The following PTPRD variants were observed in gnomAD, a reference collection of about 807,000 sequenced individuals.
PTPRD encodes the protein protein tyrosine phosphatase receptor type D.
A neutral mutation model predicts 214.5 loss-of-function variants in PTPRD; 34 were observed. The ratio of observed to expected loss-of-function variants is 0.16; its 90% CI spans 0.12 to 0.21. PTPRD has a LOEUF of 0.21. Ranked by LOEUF, PTPRD falls within the 10% of genes least tolerant of loss-of-function variation. The pLI is 1.00. For missense variants in PTPRD, 2,545 were observed against 2,398.7 expected (o/e 1.06, Z -1.27); for synonymous variants, 1,128 against 845.7 (o/e 1.33, Z -5.79).
chr9:8,665,575 C>G (rs2097154229), intron 12 of PTPRD, among the ~76,000 whole-genome samples: 1 of 152,186 alleles, frequency 6.6e-6, no homozygotes, highest in Non-Finnish European at 1.5e-5. Context: ...ATTAGACATT[C>G]ATTCTACCCA....
intron 10 of PTPRD, among the ~76,000 whole-genome samples, chr9:9,085,895 T>C (rs1021980102): frequency 2.6e-5 from 4 of 152,196 alleles, no homozygotes; most frequent in Non-Finnish European, 5.9e-5. Flanking sequence ...GGAAGGATTA[T>C]CAGTTACTTG....
Position 9,293,915 on chromosome 9 carries a change from A to T in PTPRD, c.-203+103534T>A, listed in dbSNP as rs1229498958. ...AACCTCAGCATTCAGTTTTTTTTAA[A>T]CCTAAAGGAATCACTTAATAGTTTT... On this transcript the variant is annotated intron_variant, in intron 9 of 45. Coordinates refer to ENST00000381196, the MANE Select transcript of PTPRD (RefSeq NM_002839.4). Among the ~76,000 whole-genome samples, 51 of 151,594 alleles carry T rather than the reference A, an allele frequency of 3.4e-4. No individual in the cohort carries two copies. The Admixed American group carries it at 3.4e-3, about 10-fold the overall frequency.
intron 12 of PTPRD, among the ~76,000 whole-genome samples, chr9:8,641,846 T>C (rs1465275785): frequency 1.3e-5 from 2 of 152,240 alleles, no homozygotes; most frequent in Non-Finnish European, 2.9e-5. Context: ...ATGGGTCTAA[T>C]ATTTGGATGC....
intron 10 of PTPRD, among the ~76,000 whole-genome samples, chr9:9,152,052 C>G (rs2099877260): frequency 6.6e-6 from 1 of 152,144 alleles, no homozygotes; most frequent in South Asian, 2.1e-4. Flanking sequence ...AAGAAATAAA[C>G]TGGATTTTGT....
intron 9 of PTPRD, among the ~76,000 whole-genome samples, chr9:9,183,915 T>C (rs1454532903): frequency 6.6e-6 from 1 of 151,846 alleles, no homozygotes. Context: ...ATTTCATAAT[T>C]AATTTAAAAA....
chr9:8,946,405 A>G (rs1027995702), intron 11 of PTPRD, among the ~76,000 whole-genome samples: 1 of 152,086 alleles, frequency 6.6e-6, no homozygotes, highest in Non-Finnish European at 1.5e-5. Context: ...GTGTGCTTGG[A>G]AAGTTACTTT....
intron 11 of PTPRD, among the ~76,000 whole-genome samples, chr9:8,783,956 C>A (rs142176633): frequency 1.2e-4 from 19 of 152,318 alleles, no homozygotes; most frequent in African/African-American, 4.6e-4. Context: ...AGTCCTGCTG[C>A]TTTGGTAATT....
At chr9:8,985,534 A>G (rs1454051310) in intron 11 of PTPRD, among the ~76,000 whole-genome samples, 2 of 152,018 alleles carry the variant, frequency 1.3e-5, no homozygotes. Context: ...ATCTTCCAAC[A>G]ATTCTAAATA....
intron 12 of PTPRD, among the ~76,000 whole-genome samples, chr9:8,723,556 T>C (rs560173639): frequency 2.0e-5 from 3 of 152,234 alleles, no homozygotes; most frequent in Non-Finnish European, 4.4e-5. Flanking sequence ...AGGCACACTG[T>C]AGTCATGCGC....
At chr9:10,223,722 T>C (rs974148276) in intron 3 of PTPRD, among the ~76,000 whole-genome samples, 15 of 145,212 alleles carry the variant, frequency 1.0e-4, no homozygotes, top group Admixed American at 1.4e-4. Context: ...TAAAGTAGAG[T>C]AGTTAAACCA....
intron 8 of PTPRD, among the ~76,000 whole-genome samples, chr9:9,534,424 A>T (rs1590965137): frequency 6.6e-6 from 1 of 152,174 alleles, no homozygotes; most frequent in Non-Finnish European, 1.5e-5. Context: ...TCAAGTGCCT[A>T]AAAGCACAAT....
chr9:10,241,488 T>C (rs1455191917), intron 3 of PTPRD, among the ~76,000 whole-genome samples: 2 of 152,044 alleles, frequency 1.3e-5, no homozygotes, highest in African/African-American at 4.8e-5. Context: ...AATTATAGTA[T>C]AGCCATGCAA....
In PTPRD at chr9:10,437,164, C is replaced by T. The variant is rs555629825; in HGVS notation, c.-599-96147G>A. Among the ~76,000 whole-genome samples the T allele has an allele frequency of 1.2e-4, 18 of 151,834 alleles. No individual in the cohort carries two copies. In the South Asian group the frequency reaches 2.5e-3, roughly 21 times the overall value. On this transcript the variant is annotated intron_variant, in intron 2 of 45. Transcript: ENST00000381196. Reference sequence around the variant, plus strand: ...CTTGCTTTCTGTCATCATTAGTGATCCTCATGAGACTATATGAAATTTGAA... The same window carrying T: ...CTTGCTTTCTGTCATCATTAGTGATTCTCATGAGACTATATGAAATTTGAA...
chr9:9,883,337 T>C (rs2069499390), intron 5 of PTPRD, among the ~76,000 whole-genome samples: 1 of 152,094 alleles, frequency 6.6e-6, no homozygotes, highest in Non-Finnish European at 1.5e-5. Context: ...AGAGAAACGC[T>C]AGAAATTTAT....
intron 2 of PTPRD, among the ~76,000 whole-genome samples, chr9:10,510,522 T>C (rs1051830711): frequency 5.3e-5 from 8 of 152,190 alleles, no homozygotes; most frequent in Non-Finnish European, 8.8e-5. Flanking sequence ...AAATGTTGCT[T>C]TCGGCATATC....
intron 5 of PTPRD, among the ~76,000 whole-genome samples, chr9:9,867,020 G>C (rs1187446370): frequency 6.6e-6 from 1 of 152,056 alleles, no homozygotes; most frequent in Admixed American, 6.6e-5. Context: ...TTCAAACTTA[G>C]TACTTAGACT....
chr9:9,075,115 A>C (rs1204904327), intron 10 of PTPRD, among the ~76,000 whole-genome samples: 3 of 152,032 alleles, frequency 2.0e-5, no homozygotes, highest in African/African-American at 7.2e-5. Flanking sequence ...TATTATAATT[A>C]TTTTGCTTTT....
intron 9 of PTPRD, among the ~76,000 whole-genome samples, chr9:9,371,252 T>G (rs1430978847): frequency 5.3e-5 from 8 of 152,084 alleles, no homozygotes. Flanking sequence ...TGGACTTTTT[T>G]TGGTTGGTAA....
intron 8 of PTPRD, among the ~76,000 whole-genome samples, chr9:9,528,278 C>T (rs1436003143): frequency 6.6e-6 from 1 of 152,026 alleles, no homozygotes; most frequent in Non-Finnish European, 1.5e-5. Context: ...AAGAAAGAAG[C>T]AAGTAAAAAT....
Sources: allele counts gnomAD v4.1 joint callset (sites outside exome capture counted in the v4.1 genomes callset), GRCh38; gene constraint gnomAD v4.1.1; transcripts MANE v1.5; gene names NCBI Gene and HGNC (gene_info 2026-07-23, HGNC 2026-07-21).